LDB2: variants seen among roughly 807,000 people sequenced by gnomAD.
LDB2 encodes LIM domain-binding protein 2.
LDB2 carries 12 observed loss-of-function variants against 44.3 expected under a neutral mutation model. The observed-to-expected ratio is 0.27, with a 90% confidence interval of 0.17 to 0.44. The LOEUF is 0.44. Among genes scored for constraint, LDB2 ranks in the 20% least tolerant of loss-of-function variants. The probability of loss-of-function intolerance (pLI) is 1.00; values close to 1 mark genes in which losing one functional copy is unlikely to be tolerated. For synonymous variants in LDB2, 164 were observed against 174.8 expected (o/e 0.94, Z 0.49); for missense variants, 344 against 473.5 (o/e 0.73, Z 2.54).
chr4:16,706,754 G>A (rs905745164), intron 2 of LDB2, among the ~76,000 whole-genome samples: 1 of 152,156 alleles, frequency 6.6e-6, no homozygotes, highest in Non-Finnish European at 1.5e-5. Flanking sequence ...GTGATAGCTG[G>A]CTGTATTTTA....
intron 1 of LDB2, among the ~76,000 whole-genome samples, chr4:16,778,792 T>C (rs1772525548): frequency 6.6e-6 from 1 of 152,208 alleles, no homozygotes; most frequent in African/African-American, 2.4e-5. Context: ...GATTGGGAAC[T>C]GAGGCTAGAA....
intron 2 of LDB2, among the ~76,000 whole-genome samples, chr4:16,613,297 G>A (rs935782192): frequency 3.9e-5 from 6 of 152,042 alleles, no homozygotes; most frequent in African/African-American, 1.2e-4. Flanking sequence ...TTTGAAAACC[G>A]GTACAAGACA....
At chr4:16,867,176 T>C (rs1715007613) in intron 1 of LDB2, among the ~76,000 whole-genome samples, 1 of 152,156 alleles carries the variant, frequency 6.6e-6, no homozygotes, top group Non-Finnish European at 1.5e-5. Context: ...CAAGCCCTCA[T>C]TGCATTCCAA....
chr4:16,815,289 T>A (rs1312270379), intron 1 of LDB2, among the ~76,000 whole-genome samples: 2 of 152,180 alleles, frequency 1.3e-5, no homozygotes, highest in Non-Finnish European at 2.9e-5. Flanking sequence ...AAAGTCTACC[T>A]CTAAACTATC....
intron 2 of LDB2, among the ~76,000 whole-genome samples, chr4:16,620,732 G>T (rs1044184754): frequency 4.6e-5 from 7 of 152,184 alleles, no homozygotes; most frequent in Non-Finnish European, 8.8e-5. Flanking sequence ...TACAGGGAAT[G>T]TGTGTTCTAC....
chr4:16,711,430 A>G (rs1361931196), intron 2 of LDB2, among the ~76,000 whole-genome samples: 1 of 152,218 alleles, frequency 6.6e-6, no homozygotes, highest in Non-Finnish European at 1.5e-5. Flanking sequence ...ATGAATGAAG[A>G]AAGAAGTGAA....
chr4:16,717,708 C>T (rs1757376131), intron 2 of LDB2, among the ~76,000 whole-genome samples: 1 of 152,126 alleles, frequency 6.6e-6, no homozygotes, highest in South Asian at 2.1e-4. Flanking sequence ...CTGATAAACA[C>T]CTCCCCTTGG....
intron 1 of LDB2, among the ~76,000 whole-genome samples, chr4:16,763,578 T>A (rs1768477720): frequency 6.6e-6 from 1 of 152,182 alleles, no homozygotes; most frequent in Admixed American, 6.5e-5. Context: ...GTGTTGGGTA[T>A]AGGCCATTCT....
chr4:16,759,187 A>G lies in LDB2; in HGVS notation c.206T>C (p.Phe69Ser). The change falls in exon 2 of 8, where the codon TTT (phenylalanine) becomes TCT (serine). Residue 69 changes from phenylalanine (F) to serine (S), a missense_variant. By Grantham distance (155) the Phe-to-Ser change is radical. Around this residue, in one of 3 missense-constraint regions of LDB2, gnomAD observed 226 missense variants for 270.1 expected, o/e 0.84. Transcript: ENST00000304523. ...FEDDATLTLS[F>S]CLEDGPKRYT... The stretch of plus-strand genomic sequence containing the variant: ...TCGCTTTGGTCCATCTTCCAAACAA[A>G]ATGAAAGGGTTAATGTGGCGTCATC... The G allele has an allele frequency of 2.5e-6, 4 of 1,613,932 alleles. No homozygotes were observed. The highest frequency in any genetic ancestry group is 3.4e-6 in the Non-Finnish European group (4 of 1,179,802).
chr4:16,778,554 C>T (rs770601983), intron 1 of LDB2, among the ~76,000 whole-genome samples: 3 of 152,152 alleles, frequency 2.0e-5, no homozygotes, highest in Admixed American at 6.5e-5. Flanking sequence ...CCCCCTCAGC[C>T]TTCAAGAAGA....
intron 1 of LDB2, among the ~76,000 whole-genome samples, chr4:16,867,651 T>C (rs1715142336): frequency 6.6e-6 from 1 of 152,134 alleles, no homozygotes; most frequent in Non-Finnish European, 1.5e-5. Flanking sequence ...TAAAGAGGGC[T>C]CTTTAAAATG....
intron 4 of LDB2, among the ~76,000 whole-genome samples, chr4:16,586,495 C>T (rs919334725): frequency 1.6e-5 from 2 of 122,578 alleles, no homozygotes; most frequent in African/African-American, 3.2e-5. Flanking sequence ...AATACACACA[C>T]ACACACACAC....
At chr4:16,619,388 C>G (rs144684066) in intron 2 of LDB2, among the ~76,000 whole-genome samples, 1 of 152,244 alleles carries the variant, frequency 6.6e-6, no homozygotes, top group Non-Finnish European at 1.5e-5. Flanking sequence ...TTCAAACCAC[C>G]AGGACTGCAT....
intron 2 of LDB2, among the ~76,000 whole-genome samples, chr4:16,644,303 G>A (rs774266043): frequency 1.6e-4 from 25 of 152,148 alleles, no homozygotes; most frequent in Non-Finnish European, 3.2e-4. Flanking sequence ...TTCATCCCAA[G>A]CTCCAGGTGT....
At chr4:16,556,061 C>T (rs1458987125) in intron 5 of LDB2, among the ~76,000 whole-genome samples, 1 of 152,202 alleles carries the variant, frequency 6.6e-6, no homozygotes, top group Non-Finnish European at 1.5e-5. Flanking sequence ...ATCCTTAAAA[C>T]AGTCCAACTA....
chr4:16,868,883 A>G (rs866006871), intron 1 of LDB2, among the ~76,000 whole-genome samples: 11 of 152,134 alleles, frequency 7.2e-5, no homozygotes, highest in Admixed American at 2.0e-4. Context: ...GATTTTGGTG[A>G]TGATGATGAT....
rs904316149 is a variant in LDB2, at chr4:16,524,148, C to T, written c.616-12044G>A. Among the ~76,000 whole-genome samples, 3 of 152,270 alleles carry T rather than the reference C, an allele frequency of 2.0e-5. No individual in the cohort carries two copies. The East Asian group carries it at 5.8e-4, about 29-fold the overall frequency. On this transcript the variant is annotated intron_variant, in intron 5 of 7. Coordinates refer to ENST00000304523, the MANE Select transcript of LDB2 (RefSeq NM_001290.5). ...TTATCCATTTCATAACTGTAGTAAC[C>T]TGGGGCACATTATTCAAGCATGTAT...
In LDB2 at chr4:16,623,963, A is replaced by G. The variant is rs559270822; in HGVS notation, c.236-28088T>C. ...TTCAAAAAGCAGAGATCCTACCACA[A>G]CTACAATATGCTGTTCGCAACAGCC... On this transcript the variant is annotated intron_variant, in intron 2 of 7. Transcript: ENST00000304523. Among the ~76,000 whole-genome samples the G allele has an allele frequency of 1.0e-3, 155 of 152,200 alleles. 1 individual carries two copies. Among genetic ancestry groups the G allele is most frequent in the Admixed American group, 3.5e-3 (54 of 15,280 alleles).
chr4:16,778,488 G>T lies in LDB2; in HGVS notation c.133-19228C>A, dbSNP rs569214337. 4.2e-3 allele frequency among the ~76,000 whole-genome samples: 645 copies of T among 152,126 alleles called. 5 individuals carry two copies. Among genetic ancestry groups the T allele is most frequent in the Non-Finnish European group, 7.7e-3 (521 of 67,994 alleles). ...CCACTACCACTGCCACCATCTCTCC[G>T]CTTATCACAACCACCATCAAGAGTG... On this transcript the variant is annotated intron_variant, in intron 1 of 7. Transcript: ENST00000304523.
Sources: gnomAD v4.1 joint callset for allele counts (sites outside exome capture counted in the v4.1 genomes callset) on GRCh38, gnomAD v4.1.1 for gene constraint, gnomAD v4.1.1 regional missense constraint, MANE v1.5 for transcripts, NCBI Gene and HGNC (gene_info 2026-07-23, HGNC 2026-07-21) for gene names.